The following ST6GALNAC3 variants were observed in gnomAD, a reference collection of about 807,000 sequenced individuals.
The protein encoded by ST6GALNAC3 is alpha-N-acetylgalactosaminide alpha-2,6-sialyltransferase 3.
ST6GALNAC3 carries 25 observed loss-of-function variants against 32.7 expected under a neutral mutation model. That is an observed-to-expected ratio of 0.76 (90% confidence interval 0.56 to 1.07). ST6GALNAC3 has a LOEUF of 1.07. Ranked by LOEUF, ST6GALNAC3 falls within the 50% of genes least tolerant of loss-of-function variation. The pLI is 0.00. For missense variants in ST6GALNAC3, 355 were observed against 382.4 expected (o/e 0.93, Z 0.60); for synonymous variants, 129 against 133.1 (o/e 0.97, Z 0.21).
intron 3 of ST6GALNAC3, among the ~76,000 whole-genome samples, chr1:76,442,315 A>G (rs1235255665): frequency 6.6e-6 from 1 of 152,162 alleles, no homozygotes. Context: ...ACTACACACT[A>G]ATTTTCACAT....
At chr1:76,423,048 A>G (rs984095381) in intron 3 of ST6GALNAC3, among the ~76,000 whole-genome samples, 12 of 151,950 alleles carry the variant, frequency 7.9e-5, no homozygotes, top group Non-Finnish European at 1.5e-4. Context: ...AAGAATCAAC[A>G]TTTGTGTGTA....
chr1:76,301,187 G>A (rs1403981700), intron 1 of ST6GALNAC3, among the ~76,000 whole-genome samples: 1 of 151,984 alleles, frequency 6.6e-6, no homozygotes, highest in Non-Finnish European at 1.5e-5. Flanking sequence ...TTTAATTCTT[G>A]GGGCTTCAAA....
chr1:76,349,629 A>T (rs1057365038), intron 2 of ST6GALNAC3, among the ~76,000 whole-genome samples: 1 of 152,178 alleles, frequency 6.6e-6, no homozygotes, highest in Non-Finnish European at 1.5e-5. Flanking sequence ...TTAATATTTC[A>T]AGATAGAACC....
intron 3 of ST6GALNAC3, among the ~76,000 whole-genome samples, chr1:76,457,323 T>C (rs1411762360): frequency 6.6e-6 from 1 of 152,184 alleles, no homozygotes; most frequent in African/African-American, 2.4e-5. Flanking sequence ...AAGCTACCAA[T>C]GACTTTCTTC....
Position 76,489,078 on chromosome 1 carries a change from C to T in ST6GALNAC3, c.623+76661C>T, listed in dbSNP as rs1268182879. Among the ~76,000 whole-genome samples, 4 of 152,120 alleles carry T rather than the reference C, an allele frequency of 2.6e-5. No homozygotes were observed. In the East Asian group the frequency reaches 7.7e-4, roughly 29 times the overall value. ...CTGCATCATTATTATATCTCCAGTG[C>T]CTGGCATCGTACTTGGAAAAAAGTA... On this transcript the variant is annotated intron_variant, in intron 3 of 4. Coordinates refer to ENST00000328299, the MANE Select transcript of ST6GALNAC3 (RefSeq NM_152996.4).
chr1:76,304,672 A>G (rs1236286885), intron 1 of ST6GALNAC3, among the ~76,000 whole-genome samples: 1 of 152,004 alleles, frequency 6.6e-6, no homozygotes. Context: ...GATGCATGTG[A>G]GGTGTGAGGA....
At chr1:76,528,597 TCTAA>T (rs749719965) in intron 3 of ST6GALNAC3, among the ~76,000 whole-genome samples, 1 of 152,144 alleles carries the variant, frequency 6.6e-6, no homozygotes, top group East Asian at 1.9e-4. Context: ...AAGAATAGCT[TCTAA>T]CTGTTTTTGA....
Position 76,554,142 on chromosome 1 carries a change from C to T in ST6GALNAC3, c.624-73310C>T, listed in dbSNP as rs192721266. 1.9e-3 allele frequency among the ~76,000 whole-genome samples: 287 copies of T among 152,168 alleles called. 1 individual carries two copies. The highest frequency in any genetic ancestry group is 6.5e-3 in the African/African-American group (268 of 41,518). On this transcript the variant is annotated intron_variant, in intron 3 of 4. Coordinates refer to ENST00000328299, the MANE Select transcript of ST6GALNAC3 (RefSeq NM_152996.4). ...CATGTAGAACATAGGGAGAAAGATA[C>T]GGAACTCCTGGGAGTTATCTCCTTG...
chr1:76,488,529 G>C (rs146205365), intron 3 of ST6GALNAC3, among the ~76,000 whole-genome samples: 9 of 152,220 alleles, frequency 5.9e-5, no homozygotes, highest in African/African-American at 2.2e-4. Flanking sequence ...TGAAAACCAG[G>C]GTAAGCTTAG....
intron 1 of ST6GALNAC3, among the ~76,000 whole-genome samples, chr1:76,109,427 C>T (rs1647769721): frequency 6.6e-6 from 1 of 152,186 alleles, no homozygotes; most frequent in African/African-American, 2.4e-5. Flanking sequence ...AGAGCTGTGG[C>T]ATATTTGGCC....
chr1:76,384,502 G>A (rs557878015), intron 2 of ST6GALNAC3, among the ~76,000 whole-genome samples: 21 of 152,222 alleles, frequency 1.4e-4, no homozygotes, highest in African/African-American at 4.3e-4. Flanking sequence ...TATGAGTGAA[G>A]ATTTAGTAGA....
chr1:76,593,599 G>C (rs900125757), intron 3 of ST6GALNAC3, among the ~76,000 whole-genome samples: 1 of 152,060 alleles, frequency 6.6e-6, no homozygotes, highest in Non-Finnish European at 1.5e-5. Context: ...TTTTCTCTTT[G>C]GTAAAGAATG....
At position 76,634,230 on chromosome 1, in the gene ST6GALNAC3, A is replaced by G. The variant is rs1649434120; in HGVS notation, c.*5424A>G. On this transcript the variant is annotated 3_prime_UTR_variant, in exon 5 of 5. Coordinates refer to ENST00000328299, the MANE Select transcript of ST6GALNAC3 (RefSeq NM_152996.4). Reference sequence around the variant, plus strand: ...CTTGATGAATAAACAGTCAACTACCAAGTTCACATATTTGCCTATGAAGTG... The same window carrying G: ...CTTGATGAATAAACAGTCAACTACCGAGTTCACATATTTGCCTATGAAGTG... The G allele has an allele frequency of 2.2e-6, 2 of 901,332 alleles. No individual in the cohort carries two copies. The highest frequency in any genetic ancestry group is 1.8e-5 in the African/African-American group (1 of 55,520). 55.8% of individuals were successfully genotyped at this position (901,332 alleles called of 1,614,324 possible). A position where few individuals can be genotyped will look rare whatever the true frequency, so the allele number is the denominator to read the frequency against.
chr1:76,630,896 G>GT lies in ST6GALNAC3; in HGVS notation c.*2095dup, dbSNP rs1158085047. ...AAATGTTAAAATTGCCATACAGACT[G>GT]TTTTTCCCCCTGTTGTTTCACTTTA... On this transcript the variant is annotated 3_prime_UTR_variant, in exon 5 of 5. Transcript: ENST00000328299. The GT allele has an allele frequency of 9.1e-6, 9 of 985,474 alleles. No homozygotes were observed. The African/African-American group carries it at 1.6e-4, about 17-fold the overall frequency. The allele number at this position is 985,474 out of a possible 1,614,324, so 61.0% of individuals were successfully genotyped here.
intron 1 of ST6GALNAC3, among the ~76,000 whole-genome samples, chr1:76,140,971 G>A (rs1038736425): frequency 6.6e-6 from 1 of 151,680 alleles, no homozygotes; most frequent in Non-Finnish European, 1.5e-5. Flanking sequence ...ACTTGCCTAT[G>A]GTAGGTACTC....
intron 3 of ST6GALNAC3, among the ~76,000 whole-genome samples, chr1:76,471,998 AGGTGTTCAT>A (rs972404094): frequency 7.2e-5 from 11 of 152,180 alleles, no homozygotes; most frequent in Admixed American, 5.9e-4. Context: ...TGGTCTGTGC[AGGTGTTCAT>A]GAGTTAAAGC....
At chr1:76,562,620 G>A (rs1238772657) in intron 3 of ST6GALNAC3, among the ~76,000 whole-genome samples, 1 of 152,128 alleles carries the variant, frequency 6.6e-6, no homozygotes, top group Non-Finnish European at 1.5e-5. Flanking sequence ...CTGCCTATGT[G>A]GAGAATCATT....
At chr1:76,548,218 C>G (rs1309825919) in intron 3 of ST6GALNAC3, among the ~76,000 whole-genome samples, 1 of 152,194 alleles carries the variant, frequency 6.6e-6, no homozygotes, top group Non-Finnish European at 1.5e-5. Context: ...CCCTCTCATT[C>G]TTTTCCTCTC....
At chr1:76,608,927 A>G (rs902931246) in intron 3 of ST6GALNAC3, among the ~76,000 whole-genome samples, 2 of 152,090 alleles carry the variant, frequency 1.3e-5, no homozygotes, top group Non-Finnish European at 2.9e-5. Flanking sequence ...AGTACCACAA[A>G]TTTTTATTAA....
Sources: allele counts gnomAD v4.1 joint callset (sites outside exome capture counted in the v4.1 genomes callset), GRCh38; gene constraint gnomAD v4.1.1; transcripts MANE v1.5; gene names NCBI Gene and HGNC (gene_info 2026-07-23, HGNC 2026-07-21).